ZNF407: variants seen among roughly 807,000 people sequenced by gnomAD.
ZNF407 encodes zinc finger protein 407.
Under a neutral mutation model 131.2 loss-of-function variants are expected in ZNF407, and 17 were observed. The ratio of observed to expected loss-of-function variants is 0.13; its 90% CI spans 0.09 to 0.19. The LOEUF (loss-of-function observed/expected upper bound fraction) is 0.19, where lower values mean the gene tolerates loss of function less well. Ranked by LOEUF, ZNF407 falls within the 10% of genes least tolerant of loss-of-function variation. The pLI is 1.00. For missense variants in ZNF407, 2,681 were observed against 2,830.6 expected, an observed-to-expected ratio of 0.95 and a Z score of 1.20; for synonymous variants, 1,156 against 1,062.0, an observed-to-expected ratio of 1.09 and a Z score of -1.72.
chr18:75,026,505 T>A (rs144945423), intron 8 of ZNF407, among the ~76,000 whole-genome samples: 1 of 152,336 alleles, frequency 6.6e-6, no homozygotes, highest in Non-Finnish European at 1.5e-5. Flanking sequence ...GCATCCATAA[T>A]TTCAATAAAA....
At chr18:74,744,377 T>C (rs549255568) in intron 3 of ZNF407, among the ~76,000 whole-genome samples, 1 of 152,202 alleles carries the variant, frequency 6.6e-6, no homozygotes, top group South Asian at 2.1e-4. Context: ...TGTGCTAGCC[T>C]GGGTTTGCTT....
chr18:75,008,843 AT>A (rs1386976073), intron 8 of ZNF407, among the ~76,000 whole-genome samples: 5 of 152,110 alleles, frequency 3.3e-5, no homozygotes, highest in African/African-American at 7.2e-5. Context: ...TAAAGATATA[AT>A]TTTTTTCCCA....
intron 3 of ZNF407, among the ~76,000 whole-genome samples, chr18:74,759,043 G>A (rs1477651298): frequency 2.6e-5 from 4 of 151,868 alleles, no homozygotes; most frequent in Non-Finnish European, 1.5e-5. Context: ...GGTGTTTTTT[G>A]TTTTTTCTTT....
intron 4 of ZNF407, among the ~76,000 whole-genome samples, chr18:74,803,719 T>G (rs1045590115): frequency 3.3e-5 from 5 of 152,234 alleles, no homozygotes; most frequent in Non-Finnish European, 5.9e-5. Context: ...AGAGAAAGTT[T>G]AGTATTTCTA....
At chr18:74,960,660 G>T (rs866897144) in intron 8 of ZNF407, among the ~76,000 whole-genome samples, 27 of 116,150 alleles carry the variant, frequency 2.3e-4, no homozygotes, top group South Asian at 2.9e-4. Context: ...AGTCAGTGCT[G>T]GGTGGAGGGA....
At chr18:74,803,335 G>A (rs930542066) in intron 4 of ZNF407, among the ~76,000 whole-genome samples, 1 of 152,174 alleles carries the variant, frequency 6.6e-6, no homozygotes, top group Non-Finnish European at 1.5e-5. Context: ...CGTTGGTCCA[G>A]CCCTCTGGTT....
intron 3 of ZNF407, among the ~76,000 whole-genome samples, chr18:74,727,708 G>A (rs1968192263): frequency 6.6e-6 from 1 of 152,198 alleles, no homozygotes. Flanking sequence ...AAAGGTATAT[G>A]CAGATAGCAA....
intron 7 of ZNF407, among the ~76,000 whole-genome samples, chr18:74,896,265 T>G (rs1387115778): frequency 6.6e-6 from 1 of 151,924 alleles, no homozygotes; most frequent in African/African-American, 2.4e-5. Context: ...ATCAAAACTA[T>G]TTTTGTCATT....
rs756630489 is a variant in ZNF407, at chr18:74,881,122, C to T, written c.5128+3C>T. The T allele has an allele frequency of 2.3e-5, 36 of 1,567,388 alleles. No individual in the cohort carries two copies. In the African/African-American group the frequency reaches 3.2e-4, roughly 14 times the overall value. Reference sequence around the variant, plus strand: ...CAAGCATCGCAGACAGCACACAGGTCAGTTCCGATGCTGCACTGGCCCCTT... The same window carrying T: ...CAAGCATCGCAGACAGCACACAGGTTAGTTCCGATGCTGCACTGGCCCCTT... On this transcript the variant is annotated splice_donor_region_variant and intron_variant, in intron 6 of 8. Coordinates refer to ENST00000299687, the MANE Select transcript of ZNF407 (RefSeq NM_017757.3).
rs774739307 is a variant in ZNF407 at position 74,641,044 on chromosome 18, C to T, written c.4724C>T (p.Ala1575Val). The T allele has an allele frequency of 6.2e-7, 1 of 1,613,266 alleles. No individual in the cohort carries two copies. The highest frequency in any genetic ancestry group is 2.2e-5 in the East Asian group (1 of 44,860). The change falls in exon 3 of 9, where the codon GCA becomes GTA. Residue 1575 changes from alanine (A) to valine (V), a missense_variant. Around this residue, in one of 6 missense-constraint regions of ZNF407, gnomAD observed 213 missense variants for 332.2 expected, o/e 0.64. Coordinates refer to ENST00000299687, the MANE Select transcript of ZNF407 (RefSeq NM_017757.3). ...TTCAAGTGCAAGATATGCCATTTTGCAACAGCTCAGCTTGGAGATGCCAGA... is the reference window on the plus strand; with the variant it reads ...TTCAAGTGCAAGATATGCCATTTTGTAACAGCTCAGCTTGGAGATGCCAGA... ...KPFKCKICHF[A>V]TAQLGDARNH...
Position 74,703,409 on chromosome 18 carries a change from C to T in ZNF407, c.4802+62287C>T, listed in dbSNP as rs1289147325. Among the ~76,000 whole-genome samples, 1 of 152,112 alleles carries T rather than the reference C, an allele frequency of 6.6e-6. No homozygotes were observed. Among genetic ancestry groups the T allele is most frequent in the African/African-American group, 2.4e-5 (1 of 41,412 alleles). ...GAGATGGAGTTTCACTCTTGTTGCC[C>T]AGGCTGGAGTGCAATGGTGCAATCT... On this transcript the variant is annotated intron_variant, in intron 3 of 8. Transcript: ENST00000299687. This position sits in a 1 kb window ranked among gnomAD's most constrained non-coding sequence, Gnocchi z 4.1.
intron 4 of ZNF407, among the ~76,000 whole-genome samples, chr18:74,825,530 T>G (rs1029641326): frequency 6.6e-6 from 1 of 152,170 alleles, no homozygotes; most frequent in African/African-American, 2.4e-5. Context: ...TTAAATATGG[T>G]TTTGAAACTT....
At chr18:75,003,537 T>A (rs1408639124) in intron 8 of ZNF407, among the ~76,000 whole-genome samples, 1 of 152,244 alleles carries the variant, frequency 6.6e-6, no homozygotes, top group Non-Finnish European at 1.5e-5. Context: ...TTCTTATTCC[T>A]TGTCATGTTT....
intron 3 of ZNF407, among the ~76,000 whole-genome samples, chr18:74,655,224 C>G (rs1985399701): frequency 6.6e-6 from 1 of 151,966 alleles, no homozygotes; most frequent in Non-Finnish European, 1.5e-5. Flanking sequence ...AGTTGAAACA[C>G]TGTGAGTCAT....
intron 8 of ZNF407, among the ~76,000 whole-genome samples, chr18:74,999,398 T>G (rs1972819493): frequency 6.6e-6 from 1 of 151,446 alleles, no homozygotes; most frequent in Non-Finnish European, 1.5e-5. Context: ...TTAAGTATTT[T>G]GTTTGAAAGT....
chr18:74,713,771 G>A (rs562152686), intron 3 of ZNF407, among the ~76,000 whole-genome samples: 1 of 152,178 alleles, frequency 6.6e-6, no homozygotes, highest in African/African-American at 2.4e-5. Flanking sequence ...TTACTATTGG[G>A]TATTTGACAG....
intron 4 of ZNF407, among the ~76,000 whole-genome samples, chr18:74,801,938 C>T (rs193236425): frequency 9.2e-5 from 14 of 152,074 alleles, no homozygotes; most frequent in Admixed American, 8.5e-4. Context: ...AGAAAGTGCT[C>T]TTCCTTAAAA....
At chr18:74,722,679 C>T (rs181322503) in intron 3 of ZNF407, among the ~76,000 whole-genome samples, 44 of 152,286 alleles carry the variant, frequency 2.9e-4, no homozygotes, top group Admixed American at 7.9e-4. Flanking sequence ...AGGCACCCCT[C>T]CCACCAGCTC....
At chr18:74,893,898 C>T (rs1438489467) in intron 7 of ZNF407, among the ~76,000 whole-genome samples, 1 of 151,882 alleles carries the variant, frequency 6.6e-6, no homozygotes. Context: ...CCTATATTTG[C>T]CATTATTAAC....
Sources: gnomAD v4.1 joint callset for allele counts (sites outside exome capture counted in the v4.1 genomes callset) on GRCh38, gnomAD v4.1.1 for gene constraint, gnomAD v4.1.1 regional missense constraint, Gnocchi (gnomAD v3.1) non-coding constraint, MANE v1.5 for transcripts, NCBI Gene and HGNC (gene_info 2026-07-23, HGNC 2026-07-21) for gene names.